Variants in KCNH7 observed in about 807,000 individuals in gnomAD.
KCNH7 encodes voltage-gated inwardly rectifying potassium channel KCNH7.
KCNH7 carries 49 observed loss-of-function variants against 120.8 expected under a neutral mutation model. The observed-to-expected ratio is 0.41, with a 90% CI of 0.32 to 0.51. The LOEUF (loss-of-function observed/expected upper bound fraction) is 0.51, where lower values mean the gene tolerates loss of function less well. Ranked by LOEUF, KCNH7 falls within the 20% of genes least tolerant of loss-of-function variation. The probability of loss-of-function intolerance (pLI) is 0.38; values close to 1 mark genes in which losing one functional copy is unlikely to be tolerated. For synonymous variants in KCNH7, 547 were observed against 516.1 expected (o/e 1.06, Z -0.81); for missense variants, 1,097 against 1,446.6 (o/e 0.76, Z 3.92).
rs74364557 is a variant in KCNH7, at chr2:162,640,501, T to TAA, written c.308-103423_308-103422dup. Among the ~76,000 whole-genome samples the TAA allele has an allele frequency of 5.8e-3, 875 of 150,612 alleles. 8 individuals carry two copies. The highest frequency in any genetic ancestry group is 0.02 in the African/African-American group (826 of 41,124). On this transcript the variant is annotated intron_variant, in intron 2 of 15. Coordinates refer to ENST00000332142, the MANE Select transcript of KCNH7 (RefSeq NM_033272.4). ...GAGCAATTGGACATCCCATATACAT[T>TAA]AAAAAAAAATGAAATTTGACCCAAG... is the stretch of plus-strand genomic sequence containing the variant.
At chr2:162,767,262 A>G (rs1682853559) in intron 2 of KCNH7, among the ~76,000 whole-genome samples, 1 of 152,302 alleles carries the variant, frequency 6.6e-6, no homozygotes, top group Non-Finnish European at 1.5e-5. Flanking sequence ...GTTAAAGAGT[A>G]TGGCACATTT....
At chr2:162,438,361 C>CA (rs1449541827) in intron 7 of KCNH7, among the ~76,000 whole-genome samples, 1 of 152,044 alleles carries the variant, frequency 6.6e-6, no homozygotes, top group Non-Finnish European at 1.5e-5. Flanking sequence ...AAAATGAAGT[C>CA]AAAATCTATA....
intron 6 of KCNH7, among the ~76,000 whole-genome samples, chr2:162,457,979 G>C (rs371967145): frequency 6.6e-6 from 1 of 152,046 alleles, no homozygotes; most frequent in Non-Finnish European, 1.5e-5. Context: ...ATAAATCAAA[G>C]ATGTCACATA....
intron 6 of KCNH7, among the ~76,000 whole-genome samples, chr2:162,457,030 A>C (rs1254716802): frequency 1.3e-5 from 2 of 152,260 alleles, no homozygotes; most frequent in South Asian, 2.1e-4. Context: ...TTAATGACCT[A>C]AATGCAAATG....
In KCNH7 at chr2:162,490,520, C is replaced by T. The variant is rs534285285; in HGVS notation, c.1128+13923G>A. Among the ~76,000 whole-genome samples the T allele has an allele frequency of 5.9e-5, 9 of 152,294 alleles. No homozygotes were observed. In the South Asian group the frequency reaches 1.0e-3, roughly 18 times the overall value. On this transcript the variant is annotated intron_variant, in intron 6 of 15. Coordinates refer to ENST00000332142, the MANE Select transcript of KCNH7 (RefSeq NM_033272.4). ...GAAATCCTGTGTCATTTTGGGAGCT[C>T]GCACAGGATGCCTGGAGGGTGAGTA... is the stretch of plus-strand genomic sequence containing the variant.
chr2:162,388,048 A>C (rs1023488292), intron 12 of KCNH7, among the ~76,000 whole-genome samples: 49 of 151,842 alleles, frequency 3.2e-4, no homozygotes, highest in African/African-American at 1.1e-3. Flanking sequence ...GATGCCTTGA[A>C]AAAATTATTA....
At chr2:162,822,607 A>C (rs529449829) in intron 2 of KCNH7, among the ~76,000 whole-genome samples, 277 of 152,346 alleles carry the variant, frequency 1.8e-3, no homozygotes, top group Non-Finnish European at 3.0e-3. Flanking sequence ...AGTAACTAAT[A>C]GATCAAACGG....
At chr2:162,384,962 A>C in intron 12 of KCNH7, 23 bp from the exon 13 acceptor site, 1 of 1,578,964 alleles carries the variant, frequency 6.3e-7, no homozygotes. Context: ...ATATCAAAGA[A>C]AAGTTATTTT....
At chr2:162,562,854 A>T (rs1446947082) in intron 2 of KCNH7, among the ~76,000 whole-genome samples, 1 of 152,182 alleles carries the variant, frequency 6.6e-6, no homozygotes, top group Non-Finnish European at 1.5e-5. Flanking sequence ...TCTAGAATCC[A>T]TCTTTTGTAT....
chr2:162,662,132 G>A (rs3849347), intron 2 of KCNH7, among the ~76,000 whole-genome samples: 18,005 of 151,872 alleles, frequency 0.12, 1,210 homozygotes, highest in East Asian at 0.33. Flanking sequence ...GCATGGTGGC[G>A]CGCACCTATT....
At chr2:162,391,317 C>T (rs933092877) in intron 12 of KCNH7, among the ~76,000 whole-genome samples, 30 of 152,160 alleles carry the variant, frequency 2.0e-4, no homozygotes, top group African/African-American at 4.6e-4. Flanking sequence ...TATATATTGA[C>T]GCTACATCAA....
At chr2:162,809,073 T>C (rs988764853) in intron 2 of KCNH7, among the ~76,000 whole-genome samples, 21 of 152,170 alleles carry the variant, frequency 1.4e-4, no homozygotes, top group Non-Finnish European at 1.5e-4. Context: ...ACAATTTAGA[T>C]GGAGTCATTT....
intron 2 of KCNH7, among the ~76,000 whole-genome samples, chr2:162,587,211 G>A (rs1406832153): frequency 2.0e-5 from 3 of 152,068 alleles, no homozygotes; most frequent in Admixed American, 2.0e-4. Context: ...AACTTGTGTA[G>A]ATTTCATCAA....
chr2:162,463,195 A>G (rs1017549732), intron 6 of KCNH7, among the ~76,000 whole-genome samples: 1 of 152,022 alleles, frequency 6.6e-6, no homozygotes, highest in Non-Finnish European at 1.5e-5. Context: ...GACAAGCTTC[A>G]TTAGGGACTC....
Position 162,399,984 on chromosome 2 carries a change from G to A in KCNH7, c.2407+205C>T, listed in dbSNP as rs377445668. Among the ~76,000 whole-genome samples the A allele has an allele frequency of 6.6e-5, 10 of 151,854 alleles. No homozygotes were observed. The South Asian group carries it at 8.3e-4, about 13-fold the overall frequency. ...AGAATCATCGAAGCATTTACACTTCGGAGAAAAAGTGAGACAGTTAAGAAA... is the reference window on the plus strand; with the variant it reads ...AGAATCATCGAAGCATTTACACTTCAGAGAAAAAGTGAGACAGTTAAGAAA... On this transcript the variant is annotated intron_variant, in intron 10 of 15. Transcript: ENST00000332142.
chr2:162,435,504 C>A lies in KCNH7; in HGVS notation c.1648G>T (p.Ala550Ser). ...ATGCACATTAAGAGCATTAGAACAGCAGCGCCATATTCTGAATATCGATCC... is the reference window on the plus strand; with the variant it reads ...ATGCACATTAAGAGCATTAGAACAGAAGCGCCATATTCTGAATATCGATCC... The part of the protein sequence containing the change: ...KLDRYSEYGA[A>S]VLMLLMCIFA... The change falls in exon 8 of 16, where the codon GCT becomes TCT. Residue 550 changes from alanine (A) to serine (S), a missense_variant. Coordinates refer to ENST00000332142, the MANE Select transcript of KCNH7 (RefSeq NM_033272.4). 1 of 1,613,754 alleles carries A rather than the reference C, an allele frequency of 6.2e-7. No homozygotes were observed. The highest frequency in any genetic ancestry group is 8.5e-7 in the Non-Finnish European group (1 of 1,179,828).
chr2:162,708,528 G>A (rs1686798545), intron 2 of KCNH7, among the ~76,000 whole-genome samples: 1 of 152,004 alleles, frequency 6.6e-6, no homozygotes, highest in Admixed American at 6.6e-5. Flanking sequence ...AGAGAGATAG[G>A]TGAGAATTTT....
chr2:162,617,206 G>A (rs1400133375), intron 2 of KCNH7, among the ~76,000 whole-genome samples: 1 of 152,154 alleles, frequency 6.6e-6, no homozygotes, highest in Non-Finnish European at 1.5e-5. Context: ...CAGGCTGGGC[G>A]TGGTGGCTCA....
intron 2 of KCNH7, among the ~76,000 whole-genome samples, chr2:162,556,896 G>T (rs1692875810): frequency 6.6e-6 from 1 of 152,184 alleles, no homozygotes; most frequent in African/African-American, 2.4e-5. Context: ...AATTATGCTG[G>T]TCTCAGTCAA....
Sources: allele counts gnomAD v4.1 joint callset (sites outside exome capture counted in the v4.1 genomes callset), GRCh38; gene constraint gnomAD v4.1.1; transcripts MANE v1.5; gene names NCBI Gene and HGNC (gene_info 2026-07-23, HGNC 2026-07-21).